The following SYNRG variants were observed in gnomAD, a reference collection of about 807,000 sequenced individuals.
The protein encoded by SYNRG is synergin gamma.
SYNRG carries 37 observed loss-of-function variants against 130.9 expected under a neutral mutation model. The observed-to-expected ratio is 0.28, with a 90% confidence interval of 0.22 to 0.37. The LOEUF is 0.37. SYNRG is among the 10% of genes least tolerant of loss of function. SYNRG has a pLI of 1.00. For synonymous variants in SYNRG, 539 were observed against 568.1 expected, an observed-to-expected ratio of 0.95 and a Z score of 0.73; for missense variants, 1,338 against 1,588.9, an observed-to-expected ratio of 0.84 and a Z score of 2.68.
intron 3 of SYNRG, among the ~76,000 whole-genome samples, chr17:37,594,437 TTA>T (rs1439694916): frequency 3.3e-5 from 5 of 150,054 alleles, no homozygotes; most frequent in African/African-American, 1.2e-4. Context: ...TAGATTGTTT[TTA>T]GTTATTTGCT....
rs2054626292 is a variant in SYNRG at position 37,518,838 on chromosome 17, C to T, written c.*102G>A. ...CCTTGCGGTGTTCTTCATATCGATT[C>T]AGGGAAGCGAACTGTGCAGTGCTCG... On this transcript the variant is annotated 3_prime_UTR_variant, in exon 22 of 22. Coordinates refer to ENST00000612223, the MANE Select transcript of SYNRG (RefSeq NM_007247.6). 1 of 1,487,530 alleles carries T rather than the reference C, an allele frequency of 6.7e-7. No homozygotes were observed. Among genetic ancestry groups the T allele is most frequent in the Non-Finnish European group, 9.0e-7 (1 of 1,106,482 alleles). The allele number at this position is 1,487,530 out of a possible 1,614,324, so 92.1% of individuals were successfully genotyped here.
Position 37,549,318 on chromosome 17 carries a change from A to G in SYNRG, c.2608+3797T>C, listed in dbSNP as rs569158396. Among the ~76,000 whole-genome samples the G allele has an allele frequency of 7.2e-5, 11 of 152,236 alleles. No individual in the cohort carries two copies. The East Asian group carries it at 1.7e-3, about 24-fold the overall frequency. On this transcript the variant is annotated intron_variant, in intron 14 of 21. Coordinates refer to ENST00000612223, the MANE Select transcript of SYNRG (RefSeq NM_007247.6). ...TAACCTGAAAAACAGTAATATTCTC[A>G]AGGTTTTTTTACTGTTACCATACTC...
chr17:37,542,619 C>T, intron 14 of SYNRG, 54 bp from the exon 15 acceptor site: 1 of 1,443,708 alleles, frequency 6.9e-7, no homozygotes, highest in Non-Finnish European at 9.5e-7. Flanking sequence ...GGCAAAATGC[C>T]CTAAACTCTG....
At chr17:37,530,638 C>T (rs1398825088) in intron 19 of SYNRG, among the ~76,000 whole-genome samples, 2 of 152,222 alleles carry the variant, frequency 1.3e-5, no homozygotes, top group Non-Finnish European at 2.9e-5. Context: ...GTCATCATAA[C>T]AGTTAACCAA....
intron 11 of SYNRG, among the ~76,000 whole-genome samples, chr17:37,563,752 A>T (rs956408621): frequency 6.6e-6 from 1 of 151,992 alleles, no homozygotes; most frequent in African/African-American, 2.4e-5. Flanking sequence ...GTCCAGGATC[A>T]AGTGAAATCC....
chr17:37,560,311 T>C (rs1006233449), intron 13 of SYNRG, among the ~76,000 whole-genome samples: 3 of 151,452 alleles, frequency 2.0e-5, no homozygotes, highest in Non-Finnish European at 2.9e-5. Flanking sequence ...CCCCTTCTAC[T>C]AGATAATCCC....
Position 37,516,171 on chromosome 17 carries a change from A to G in SYNRG, c.*2769T>C, listed in dbSNP as rs892352336. 6.6e-6 allele frequency: 1 copy of G among 152,234 alleles called. No homozygotes were observed. Among genetic ancestry groups the G allele is most frequent in the Non-Finnish European group, 1.5e-5 (1 of 68,056 alleles). 9.4% of individuals were successfully genotyped at this position (152,234 alleles called of 1,614,324 possible). On this transcript the variant is annotated 3_prime_UTR_variant, in exon 22 of 22. Coordinates refer to ENST00000612223, the MANE Select transcript of SYNRG (RefSeq NM_007247.6). Reference sequence around the variant, plus strand: ...GGGGTGAAGCGGGCTGACACAATGCACAGTATGGAAATAAGTAACCTTGGC... The same window carrying G: ...GGGGTGAAGCGGGCTGACACAATGCGCAGTATGGAAATAAGTAACCTTGGC...
At chr17:37,545,495 GATCT>G (rs1176758428) in intron 14 of SYNRG, among the ~76,000 whole-genome samples, 6 of 152,124 alleles carry the variant, frequency 3.9e-5, no homozygotes, top group Admixed American at 2.0e-4. Flanking sequence ...GTAATAAAAA[GATCT>G]TTCTGTGCAA....
chr17:37,579,677 C>CA (rs1308324567), intron 6 of SYNRG, among the ~76,000 whole-genome samples: 2 of 151,868 alleles, frequency 1.3e-5, no homozygotes, highest in Admixed American at 6.6e-5. Context: ...GTATTTGGTT[C>CA]AAAAAAGGTA....
chr17:37,540,355 C>A, intron 16 of SYNRG, 25 bp downstream of exon 16: 1 of 1,611,112 alleles, frequency 6.2e-7, no homozygotes, highest in Non-Finnish European at 8.5e-7. Flanking sequence ...TGTTACCCAC[C>A]CCTTGTAGAA....
At chr17:37,534,902 T>TA (rs11424643) in intron 19 of SYNRG, among the ~76,000 whole-genome samples, 39,964 of 149,992 alleles carry the variant, frequency 0.27, 6,137 homozygotes, top group East Asian at 0.59. Flanking sequence ...AGTTCCATGT[T>TA]AAAAAAAAAA....
intron 19 of SYNRG, among the ~76,000 whole-genome samples, chr17:37,530,348 G>A (rs1331682342): frequency 3.3e-5 from 5 of 152,298 alleles, no homozygotes; most frequent in Admixed American, 6.5e-5. Flanking sequence ...TTAGGACAAG[G>A]TCAGGAAGCA....
chr17:37,588,875 T>C (rs2061912199), intron 3 of SYNRG, among the ~76,000 whole-genome samples: 1 of 152,150 alleles, frequency 6.6e-6, no homozygotes, highest in African/African-American at 2.4e-5. Context: ...GTGTTATGCA[T>C]ATTGCCTTCT....
intron 15 of SYNRG, chr17:37,541,677 C>G (rs1203525087): frequency 2.3e-6 from 1 of 439,052 alleles, no homozygotes; most frequent in Non-Finnish European, 4.0e-6. Flanking sequence ...ACAAGTGGCT[C>G]GAATCCATTT....
At chr17:37,581,225 T>C (rs1185283214) in intron 6 of SYNRG, among the ~76,000 whole-genome samples, 1 of 152,026 alleles carries the variant, frequency 6.6e-6, no homozygotes, top group Non-Finnish European at 1.5e-5. Flanking sequence ...ATGAAGCTCA[T>C]TAACAATACT....
chr17:37,534,067 G>A (rs908571601), intron 19 of SYNRG, among the ~76,000 whole-genome samples: 1 of 148,854 alleles, frequency 6.7e-6, no homozygotes, highest in African/African-American at 2.5e-5. Flanking sequence ...CCTGAGTAGT[G>A]GGGATTACAG....
chr17:37,572,052 C>T (rs2060474348), intron 8 of SYNRG, 65 bp from the exon 9 acceptor site: 1 of 1,373,900 alleles, frequency 7.3e-7, no homozygotes, highest in Non-Finnish European at 1.0e-6. Context: ...TTTGGGATGC[C>T]ATTGTTGGTA....
chr17:37,554,599 G>A (rs182420016), intron 13 of SYNRG, among the ~76,000 whole-genome samples: 1 of 152,296 alleles, frequency 6.6e-6, no homozygotes, highest in African/African-American at 2.4e-5. Flanking sequence ...ATACTATGTG[G>A]TCTTGCTCAA....
In SYNRG at chr17:37,519,043, T is replaced by A; in HGVS notation, c.3842A>T (p.Lys1281Met). ...ATACTGGTGCCCTCCATAGGCCAGCTTGAAACTGTCTGTTTCTGAGTTGAA... is the reference window on the plus strand; with the variant it reads ...ATACTGGTGCCCTCCATAGGCCAGCATGAAACTGTCTGTTTCTGAGTTGAA... ...KAFNSETDSFKLAYGGHQYHA... is the reference protein window; with the variant it reads ...KAFNSETDSFMLAYGGHQYHA... Residue 1281 changes from lysine to methionine, a missense_variant, in exon 22 of 22, where the codon AAG becomes ATG. Transcript: ENST00000612223. The A allele has an allele frequency of 6.2e-7, 1 of 1,614,184 alleles. No individual in the cohort carries two copies.
Sources: gnomAD v4.1 joint callset for allele counts (sites outside exome capture counted in the v4.1 genomes callset) on GRCh38, gnomAD v4.1.1 for gene constraint, MANE v1.5 for transcripts, NCBI Gene and HGNC (gene_info 2026-07-23, HGNC 2026-07-21) for gene names.